COL15A1: variants seen among roughly 807,000 people sequenced by gnomAD.
The protein encoded by COL15A1 is collagen type XV alpha 1 chain.
A neutral mutation model predicts 165.9 loss-of-function variants in COL15A1; 111 were observed. That is an observed-to-expected ratio of 0.67 (90% confidence interval 0.57 to 0.78). COL15A1 has a LOEUF of 0.78. Ranked by LOEUF, COL15A1 falls within the 30% of genes least tolerant of loss-of-function variation. The pLI is 0.00. For synonymous variants in COL15A1, 659 were observed against 674.8 expected (o/e 0.98, Z 0.36); for missense variants, 1,745 against 1,789.7 (o/e 0.98, Z 0.45).
intron 36 of COL15A1, among the ~76,000 whole-genome samples, chr9:99,060,256 AT>A (rs57568579): frequency 4.3e-4 from 59 of 137,158 alleles, no homozygotes; most frequent in African/African-American, 1.4e-3. Context: ...ATATATATAT[AT>A]TTTTTTTTTG....
chr9:99,039,055 A>G (rs1431230815), intron 22 of COL15A1, among the ~76,000 whole-genome samples: 1 of 152,170 alleles, frequency 6.6e-6, no homozygotes, highest in African/African-American at 2.4e-5. Context: ...ATCTTATTTC[A>G]TAGTATAGGA....
intron 6 of COL15A1, 106 bp from the exon 7 acceptor site, chr9:99,000,733 T>A (rs943803525): frequency 4.3e-6 from 3 of 705,022 alleles, no homozygotes; most frequent in Non-Finnish European, 5.1e-6. Context: ...TGACCCTGTG[T>A]CATGGTATCT....
intron 2 of COL15A1, among the ~76,000 whole-genome samples, chr9:98,947,315 T>G (rs1564002152): frequency 1.3e-5 from 2 of 152,080 alleles, no homozygotes; most frequent in Non-Finnish European, 2.9e-5. Flanking sequence ...CAATACATTG[T>G]AAGAGTCCCT....
intron 2 of COL15A1, among the ~76,000 whole-genome samples, chr9:98,971,973 G>A (rs1416627720): frequency 6.6e-6 from 1 of 152,222 alleles, no homozygotes; most frequent in Non-Finnish European, 1.5e-5. Flanking sequence ...GAACGGAGGT[G>A]CTGTACTGAC....
chr9:98,991,302 T>C (rs1838425746), intron 5 of COL15A1, among the ~76,000 whole-genome samples: 1 of 152,122 alleles, frequency 6.6e-6, no homozygotes, highest in Non-Finnish European at 1.5e-5. Flanking sequence ...TACAGAGAGC[T>C]AATTGGTCCA....
intron 30 of COL15A1, among the ~76,000 whole-genome samples, chr9:99,050,351 A>T (rs1839567501): frequency 6.6e-6 from 1 of 151,528 alleles, no homozygotes; most frequent in African/African-American, 2.4e-5. Context: ...GATCTCTCCC[A>T]TTTTATGATA....
intron 13 of COL15A1, among the ~76,000 whole-genome samples, chr9:99,023,153 T>C (rs72737281): frequency 0.13 from 20,424 of 151,780 alleles, 1,588 homozygotes; most frequent in East Asian, 0.3. Flanking sequence ...AGGACATGAG[T>C]GGGCTGCACA....
chr9:99,055,497 G>A, intron 34 of COL15A1, 125 bp downstream of exon 34: 1 of 642,250 alleles, frequency 1.6e-6, no homozygotes, highest in East Asian at 2.7e-5. Flanking sequence ...TTGGGGATTA[G>A]CCAGCTCTTT....
chr9:98,966,149 A>C (rs994546839), intron 2 of COL15A1, among the ~76,000 whole-genome samples: 7 of 152,198 alleles, frequency 4.6e-5, no homozygotes, highest in Admixed American at 1.3e-4. Flanking sequence ...AGGGAGATGT[A>C]AATTATGGCT....
intron 40 of COL15A1, among the ~76,000 whole-genome samples, chr9:99,067,397 GA>G (rs1261049398): frequency 6.6e-6 from 1 of 152,174 alleles, no homozygotes; most frequent in Non-Finnish European, 1.5e-5. Context: ...TGTCAGATGA[GA>G]AAACTGAGGC....
At chr9:98,987,256 G>A (rs111283714) in intron 3 of COL15A1, 38 bp from the exon 4 acceptor site, 35 of 1,594,254 alleles carry the variant, frequency 2.2e-5, no homozygotes, top group African/African-American at 5.4e-5. Context: ...TGCTGTGTAC[G>A]TGCAAACCGT....
intron 2 of COL15A1, among the ~76,000 whole-genome samples, chr9:98,973,620 A>G (rs1345874762): frequency 6.6e-6 from 1 of 152,214 alleles, no homozygotes; most frequent in Non-Finnish European, 1.5e-5. Context: ...GAGCCCCCAG[A>G]GACTCCAGCC....
At chr9:99,050,005 T>C in intron 30 of COL15A1, 110 bp downstream of exon 30, 3 of 1,456,148 alleles carry the variant, frequency 2.1e-6, no homozygotes, top group Non-Finnish European at 2.9e-6. Context: ...TCCTCTCTGA[T>C]GTCTTCTGTC....
intron 16 of COL15A1, among the ~76,000 whole-genome samples, chr9:99,029,963 G>A (rs909927575): frequency 1.3e-5 from 2 of 151,530 alleles, no homozygotes; most frequent in African/African-American, 4.8e-5. Flanking sequence ...ATAGTCAATT[G>A]TAACAGAAAA....
rs778768993 is a variant in COL15A1 at position 99,056,281 on chromosome 9, G to A, written c.3214G>A (p.Val1072Ile). The A allele has an allele frequency of 3.5e-5, 57 of 1,614,154 alleles. No individual in the cohort carries two copies. Among genetic ancestry groups the A allele is most frequent in the East Asian group, 4.5e-5 (2 of 44,876 alleles). The change falls in exon 35 of 42, where the codon GTT becomes ATT. Residue 1072 changes from valine (V) to isoleucine (I), a missense_variant. By Grantham distance (29) the Val-to-Ile change is conservative (BLOSUM62 3). Transcript: ENST00000375001. The part of the protein sequence containing the change: ...GPAGQKGETV[V>I]GPQGPPGAPG... ...ACAGGGCCAAAAAGGGGAGACAGTCGTTGGGCCCCAAGGACCCCCAGGTGC... is the reference window on the plus strand; with the variant it reads ...ACAGGGCCAAAAAGGGGAGACAGTCATTGGGCCCCAAGGACCCCCAGGTGC...
chr9:99,016,069 G>A lies in COL15A1; in HGVS notation c.1597G>A (p.Gly533Arg), dbSNP rs1466480721. Reference protein sequence around the residue: ...GEESGSPPPDGPPLPLPTVAP... With the variant: ...GEESGSPPPDRPPLPLPTVAP... ...AGAGTCCGGCAGCCCTCCCCCTGAT[G>A]GGCCACCGCTGCCCCTGCCCACAGT... The change falls in exon 11 of 42, where the codon GGG (glycine) becomes AGG (arginine). Residue 533 changes from glycine to arginine, a missense_variant. By Grantham distance (125) the Gly-to-Arg change is moderately radical. Coordinates refer to ENST00000375001, the MANE Select transcript of COL15A1 (RefSeq NM_001855.5). 1.9e-6 allele frequency: 3 copies of A among 1,614,040 alleles called. No homozygotes were observed. Among genetic ancestry groups the A allele is most frequent in the Admixed American group, 3.3e-5 (2 of 60,008 alleles).
intron 5 of COL15A1, among the ~76,000 whole-genome samples, chr9:98,991,984 T>G (rs1176604526): frequency 6.6e-6 from 1 of 152,144 alleles, no homozygotes; most frequent in African/African-American, 2.4e-5. Flanking sequence ...CTGATTGGTG[T>G]GTTTACAATC....
chr9:98,966,436 C>T (rs913634695), intron 2 of COL15A1, among the ~76,000 whole-genome samples: 1 of 152,214 alleles, frequency 6.6e-6, no homozygotes, highest in Admixed American at 6.5e-5. Context: ...CCTGTCCCAT[C>T]CTACCTTGCC....
chr9:99,029,337 G>C (rs1165459732), intron 16 of COL15A1, among the ~76,000 whole-genome samples: 1 of 152,222 alleles, frequency 6.6e-6, no homozygotes, highest in Non-Finnish European at 1.5e-5. Context: ...CTGCCAAACT[G>C]TCATTGTAAA....
Sources: allele counts gnomAD v4.1 joint callset (sites outside exome capture counted in the v4.1 genomes callset), GRCh38; gene constraint gnomAD v4.1.1; transcripts MANE v1.5; gene names NCBI Gene and HGNC (gene_info 2026-07-23, HGNC 2026-07-21).